Variants in ATRNL1 observed in about 807,000 individuals in gnomAD.
ATRNL1 encodes the protein attractin-like protein 1.
ATRNL1 carries 95 observed loss-of-function variants against 182.7 expected under a neutral mutation model. That is an observed-to-expected ratio of 0.52 (90% CI 0.44 to 0.62). ATRNL1 has a LOEUF of 0.62. ATRNL1 is among the 20% of genes least tolerant of loss of function. ATRNL1 has a pLI of 0.00. For synonymous variants in ATRNL1, 576 were observed against 568.3 expected (o/e 1.01, Z -0.19); for missense variants, 1,471 against 1,679.5 (o/e 0.88, Z 2.17).
chr10:115,915,492 T>C (rs1163095951), intron 28 of ATRNL1, among the ~76,000 whole-genome samples: 1 of 152,150 alleles, frequency 6.6e-6, no homozygotes, highest in East Asian at 1.9e-4. Flanking sequence ...GTTGGAACTT[T>C]GATTCTAGTT....
chr10:115,734,745 T>G (rs1322776813), intron 27 of ATRNL1, among the ~76,000 whole-genome samples: 1 of 152,134 alleles, frequency 6.6e-6, no homozygotes, highest in African/African-American at 2.4e-5. Flanking sequence ...TTATTGTGTC[T>G]TTTGGTAATA....
At chr10:115,114,232 T>C (rs61880778) in intron 1 of ATRNL1, among the ~76,000 whole-genome samples, 6,088 of 152,206 alleles carry the variant, frequency 0.04, 177 homozygotes, top group Non-Finnish European at 0.061. Context: ...CCTTATCTGA[T>C]CCCTTATAGA....
chr10:115,826,751 T>C, intron 27 of ATRNL1, among the ~76,000 whole-genome samples: 1 of 152,036 alleles, frequency 6.6e-6, no homozygotes, highest in East Asian at 1.9e-4. Context: ...TTTTTATGCA[T>C]TTGGAATGAG....
At chr10:115,326,984 G>A (rs1163944963) in intron 18 of ATRNL1, among the ~76,000 whole-genome samples, 3 of 152,102 alleles carry the variant, frequency 2.0e-5, no homozygotes, top group Non-Finnish European at 2.9e-5. Flanking sequence ...AAAAACCCTA[G>A]AAGAAAACCT....
In ATRNL1 at chr10:115,525,058, T is replaced by C. The variant is rs893888398; in HGVS notation, c.3716+5734T>C. ...AAATGTTTCAGGGACCTTCCTTCTA[T>C]GGACTCAGTCACCTGATTAGTTAAT... is the stretch of plus-strand genomic sequence containing the variant. On this transcript the variant is annotated intron_variant, in intron 25 of 28. Transcript: ENST00000355044. Among the ~76,000 whole-genome samples, 12 of 152,296 alleles carry C rather than the reference T, an allele frequency of 7.9e-5. No individual in the cohort carries two copies. The Middle Eastern group carries it at 0.01, about 130-fold the overall frequency.
chr10:115,745,334 T>C (rs1463860041), intron 27 of ATRNL1, among the ~76,000 whole-genome samples: 2 of 152,122 alleles, frequency 1.3e-5, no homozygotes, highest in Non-Finnish European at 2.9e-5. Flanking sequence ...CTAAGTTTAT[T>C]CCATTGTATA....
rs782350090 is a variant in ATRNL1, at chr10:115,121,687, A to T, written c.378-12A>T. On this transcript the variant is annotated splice_polypyrimidine_tract_variant and intron_variant, in intron 2 of 28. Coordinates refer to ENST00000355044, the MANE Select transcript of ATRNL1 (RefSeq NM_207303.4). ...TATTTTAATTTGAAAAATATTTCAT[A>T]TTCATTTTCAGTCCAAATGCAGTGT... The T allele has an allele frequency of 8.0e-7, 1 of 1,242,754 alleles. No homozygotes were observed. Among genetic ancestry groups the T allele is most frequent in the Non-Finnish European group, 1.1e-6 (1 of 890,176 alleles). The allele number at this position is 1,242,754 out of a possible 1,614,324, so 77.0% of individuals were successfully genotyped here. A position where few individuals can be genotyped will look rare whatever the true frequency, so the allele number is the denominator to read the frequency against.
At chr10:115,433,014 G>A (rs79351114) in intron 21 of ATRNL1, among the ~76,000 whole-genome samples, 2,846 of 151,988 alleles carry the variant, frequency 0.019, 91 homozygotes, top group African/African-American at 0.064. Flanking sequence ...CATGTAATTT[G>A]CAATGCTCAC....
intron 26 of ATRNL1, among the ~76,000 whole-genome samples, chr10:115,598,730 G>T (rs1426636539): frequency 2.6e-5 from 4 of 152,000 alleles, no homozygotes; most frequent in African/African-American, 9.7e-5. Context: ...GAGTGGCTTT[G>T]TTTCACTCTT....
At chr10:115,408,309 G>T (rs375670314) in intron 20 of ATRNL1, among the ~76,000 whole-genome samples, 2 of 152,192 alleles carry the variant, frequency 1.3e-5, no homozygotes, top group East Asian at 1.9e-4. Context: ...GGCCTGATTT[G>T]CATTTCTTGA....
At chr10:115,116,224 T>A (rs1182359523) in intron 1 of ATRNL1, among the ~76,000 whole-genome samples, 1 of 152,076 alleles carries the variant, frequency 6.6e-6, no homozygotes, top group Non-Finnish European at 1.5e-5. Context: ...GTAGTACTGA[T>A]CTAGATGAAT....
At chr10:115,388,911 T>A (rs1843820196) in intron 19 of ATRNL1, among the ~76,000 whole-genome samples, 1 of 152,174 alleles carries the variant, frequency 6.6e-6, no homozygotes, top group African/African-American at 2.4e-5. Flanking sequence ...TTTGGAAGGA[T>A]GAAACTAAGC....
chr10:115,859,691 C>T (rs531962528), intron 28 of ATRNL1, among the ~76,000 whole-genome samples: 10 of 152,258 alleles, frequency 6.6e-5, no homozygotes, highest in Non-Finnish European at 1.3e-4. Context: ...CCATGTTATA[C>T]TGATAGCTGG....
chr10:115,922,819 G>T (rs1046369560), intron 28 of ATRNL1, among the ~76,000 whole-genome samples: 2 of 152,120 alleles, frequency 1.3e-5, no homozygotes, highest in Admixed American at 1.3e-4. Context: ...AGAGGAAAGA[G>T]CAATATGTTA....
intron 10 of ATRNL1, 140 bp from the exon 11 acceptor site, chr10:115,265,053 A>G (rs956964890): frequency 6.1e-6 from 3 of 492,062 alleles, no homozygotes; most frequent in Non-Finnish European, 7.2e-6. Flanking sequence ...ATTGTAGGTC[A>G]TGGAAAATTA....
chr10:115,941,782 A>G (rs1304749146), intron 28 of ATRNL1, among the ~76,000 whole-genome samples: 1 of 152,234 alleles, frequency 6.6e-6, no homozygotes, highest in African/African-American at 2.4e-5. Context: ...CACCACCAAA[A>G]TCTGCAATTT....
intron 18 of ATRNL1, among the ~76,000 whole-genome samples, chr10:115,320,855 T>C (rs951463147): frequency 6.6e-6 from 1 of 152,214 alleles, no homozygotes; most frequent in African/African-American, 2.4e-5. Context: ...ACCCACCTTC[T>C]GAAGCCTACT....
At chr10:115,360,628 G>C (rs1554943948) in intron 19 of ATRNL1, among the ~76,000 whole-genome samples, 4 of 149,930 alleles carry the variant, frequency 2.7e-5, no homozygotes, top group African/African-American at 9.8e-5. Context: ...TATTAGTTGT[G>C]TTCATTTTTG....
At chr10:115,706,038 A>G (rs150442195) in intron 26 of ATRNL1, among the ~76,000 whole-genome samples, 1 of 151,992 alleles carries the variant, frequency 6.6e-6, no homozygotes, top group Non-Finnish European at 1.5e-5. Context: ...TGTGGCTAGT[A>G]CAACACAATT....
Sources: gnomAD v4.1 joint callset for allele counts (sites outside exome capture counted in the v4.1 genomes callset) on GRCh38, gnomAD v4.1.1 for gene constraint, MANE v1.5 for transcripts, NCBI Gene and HGNC (gene_info 2026-07-23, HGNC 2026-07-21) for gene names.